Variants in PRKD1 observed in about 807,000 individuals in gnomAD.
PRKD1 encodes protein kinase D1, also known as serine/threonine-protein kinase D1.
PRKD1 carries 63 observed loss-of-function variants against 95.9 expected under a neutral mutation model. The observed-to-expected ratio is 0.66, with a 90% confidence interval of 0.54 to 0.81. The LOEUF is 0.81. Ranked by LOEUF, PRKD1 falls within the 30% of genes least tolerant of loss-of-function variation. The pLI, the probability that PRKD1 is intolerant of heterozygous loss-of-function variation, is 0.00. For missense variants in PRKD1, 1,048 were observed against 1,165.3 expected, an observed-to-expected ratio of 0.90 and a Z score of 1.47; for synonymous variants, 425 against 423.1, an observed-to-expected ratio of 1.00 and a Z score of -0.05.
intron 4 of PRKD1, among the ~76,000 whole-genome samples, chr14:29,657,040 G>C (rs1435040193): frequency 2.0e-5 from 3 of 152,156 alleles, no homozygotes; most frequent in African/African-American, 7.2e-5. Flanking sequence ...TCCAATAGCG[G>C]GTTAGAGTTT....
At chr14:29,713,616 T>C (rs1391114072) in intron 2 of PRKD1, among the ~76,000 whole-genome samples, 3 of 152,238 alleles carry the variant, frequency 2.0e-5, no homozygotes, top group Non-Finnish European at 4.4e-5. Context: ...ACCATGTATT[T>C]TGGGAAAATA....
At chr14:29,742,214 A>ATGC (rs2139436167) in intron 1 of PRKD1, among the ~76,000 whole-genome samples, 1 of 152,322 alleles carries the variant, frequency 6.6e-6, no homozygotes, top group Non-Finnish European at 1.5e-5. Flanking sequence ...CTGGAAAAAA[A>ATGC]TGCTGTAGCA....
rs367891485 is a variant in PRKD1 at position 29,825,820 on chromosome 14, T to A, written c.265-100146A>T. 3.9e-5 allele frequency among the ~76,000 whole-genome samples: 6 copies of A among 152,140 alleles called. No individual in the cohort carries two copies. The East Asian group carries it at 1.2e-3, about 29-fold the overall frequency. On this transcript the variant is annotated intron_variant, in intron 1 of 17. Transcript: ENST00000331968. ...AATTATATTGTTCATTTCCTCCTCC[T>A]CCACTATACAGGCAGGCAAGCCCCT...
intron 1 of PRKD1, among the ~76,000 whole-genome samples, chr14:29,893,177 T>A (rs780034584): frequency 6.6e-6 from 1 of 152,142 alleles, no homozygotes; most frequent in Non-Finnish European, 1.5e-5. Context: ...ATATTTTCAT[T>A]TTCTAGTAGA....
chr14:29,734,028 C>CTTTTTTTTTTTTTTTTTTTTTTTTTTTT (rs58908662), intron 1 of PRKD1, among the ~76,000 whole-genome samples: 1 of 64,670 alleles, frequency 1.5e-5, no homozygotes, highest in African/African-American at 7.9e-5. Flanking sequence ...ACTTTCCTGC[C>CTTTTTTTTTTTTTTTTTTTTTTTTTTTT]TTTTTTTTTT....
chr14:29,843,064 G>T (rs890362266), intron 1 of PRKD1, among the ~76,000 whole-genome samples: 21 of 152,168 alleles, frequency 1.4e-4, no homozygotes, highest in Non-Finnish European at 2.4e-4. Flanking sequence ...TGTGTGTATT[G>T]AAGTCCTAAC....
At chr14:29,634,316 T>C in intron 8 of PRKD1, 102 bp downstream of exon 8, 1 of 1,557,222 alleles carries the variant, frequency 6.4e-7, no homozygotes, top group Non-Finnish European at 8.8e-7. Context: ...TGCTGAGGTT[T>C]ACTCTGAGTA....
At chr14:29,582,099 T>A (rs1892774439) in intron 16 of PRKD1, among the ~76,000 whole-genome samples, 1 of 152,108 alleles carries the variant, frequency 6.6e-6, no homozygotes, top group Non-Finnish European at 1.5e-5. Context: ...AATCTGGTAA[T>A]CCTACTTAAA....
chr14:29,611,887 T>C (rs1035872632), intron 13 of PRKD1, among the ~76,000 whole-genome samples: 3 of 152,208 alleles, frequency 2.0e-5, no homozygotes, highest in African/African-American at 7.2e-5. Flanking sequence ...AAACTTTTTA[T>C]TTCCTGTTAA....
intron 2 of PRKD1, among the ~76,000 whole-genome samples, chr14:29,700,988 G>GCACACACACACACACA (rs1555337072): frequency 3.5e-4 from 32 of 90,568 alleles, no homozygotes; most frequent in African/African-American, 1.3e-3. Context: ...GCGCGCGCGC[G>GCACACACACACACACA]CACACACACA....
At chr14:29,591,427 G>C (rs753745131) in intron 16 of PRKD1, 1 of 152,072 alleles carries the variant, frequency 6.6e-6, no homozygotes, top group South Asian at 2.1e-4. Flanking sequence ...TCTATCAGCT[G>C]TAAGTTATTT....
intron 1 of PRKD1, among the ~76,000 whole-genome samples, chr14:29,917,361 T>A (rs758907347): frequency 1.3e-5 from 2 of 152,194 alleles, no homozygotes; most frequent in African/African-American, 2.4e-5. Context: ...ACCTAACAGA[T>A]TAATCTTAAT....
At chr14:29,896,165 T>C (rs1343341215) in intron 1 of PRKD1, among the ~76,000 whole-genome samples, 1 of 152,158 alleles carries the variant, frequency 6.6e-6, no homozygotes, top group East Asian at 1.9e-4. Context: ...CCAAACCCTG[T>C]AAGGTAATAT....
chr14:29,600,690 C>T (rs1893484556), intron 13 of PRKD1, among the ~76,000 whole-genome samples: 1 of 152,120 alleles, frequency 6.6e-6, no homozygotes, highest in Non-Finnish European at 1.5e-5. Flanking sequence ...GAACAAATCC[C>T]ATGCGGATAC....
At chr14:29,895,658 C>T (rs1043418659) in intron 1 of PRKD1, among the ~76,000 whole-genome samples, 15 of 152,152 alleles carry the variant, frequency 9.9e-5, no homozygotes, top group African/African-American at 2.4e-5. Flanking sequence ...TCCCCACTCA[C>T]TCCATACCAG....
intron 1 of PRKD1, among the ~76,000 whole-genome samples, chr14:29,862,358 T>C (rs1476758042): frequency 2.0e-5 from 3 of 152,304 alleles, no homozygotes; most frequent in Admixed American, 1.3e-4. Context: ...AATACACTGA[T>C]TTCCTTTTCG....
chr14:29,908,504 C>A (rs950040777), intron 1 of PRKD1, among the ~76,000 whole-genome samples: 3 of 152,188 alleles, frequency 2.0e-5, no homozygotes, highest in Non-Finnish European at 4.4e-5. Context: ...CCAGGCTGGT[C>A]TCGAACTTCT....
chr14:29,771,227 C>T (rs1888494471), intron 1 of PRKD1, among the ~76,000 whole-genome samples: 1 of 152,084 alleles, frequency 6.6e-6, no homozygotes. Flanking sequence ...CTGTGGAAGC[C>T]AGGTGCTGTT....
chr14:29,894,213 A>G (rs996683714), intron 1 of PRKD1, among the ~76,000 whole-genome samples: 3 of 152,216 alleles, frequency 2.0e-5, no homozygotes, highest in African/African-American at 7.2e-5. Flanking sequence ...GTATACACCA[A>G]GGAGGTGGGA....
Sources: gnomAD v4.1 joint callset for allele counts (sites outside exome capture counted in the v4.1 genomes callset) on GRCh38, gnomAD v4.1.1 for gene constraint, MANE v1.5 for transcripts, NCBI Gene and HGNC (gene_info 2026-07-23, HGNC 2026-07-21) for gene names.